Variants in KCNAB2 observed in about 807,000 individuals in gnomAD.
KCNAB2 encodes the protein voltage-gated potassium channel subunit beta-2.
Under a neutral mutation model 63.6 loss-of-function variants are expected in KCNAB2, and 29 were observed. The ratio of observed to expected loss-of-function variants is 0.46; its 90% CI spans 0.34 to 0.62. The LOEUF is 0.62. KCNAB2 is among the 20% of genes least tolerant of loss of function. The pLI is 0.01. For synonymous variants in KCNAB2, 222 were observed against 224.2 expected (o/e 0.99, Z 0.09); for missense variants, 359 against 563.9 (o/e 0.64, Z 3.68).
At chr1:6,072,888 G>T (rs923104970) in intron 3 of KCNAB2, 90 bp downstream of exon 3, 2 of 1,327,808 alleles carry the variant, frequency 1.5e-6, no homozygotes, top group South Asian at 1.3e-5. Context: ...TGGGAGGCAG[G>T]GTGGCCCAAA....
In KCNAB2 at chr1:6,074,883, G is replaced by C. The variant is rs1230316538; in HGVS notation, c.300+1113G>C. The stretch of plus-strand genomic sequence containing the variant: ...GCAGGAGAATTGCTTGAACCCAGAA[G>C]GGGGAGGTTGCAGTGAGCCGAGATC... On this transcript the variant is annotated intron_variant, in intron 4 of 15. Transcript: ENST00000378083. This position sits in a 1 kb window ranked among gnomAD's most constrained non-coding sequence, Gnocchi z 4.9. 6.6e-6 allele frequency among the ~76,000 whole-genome samples: 1 copy of C among 151,890 alleles called. No homozygotes were observed. Among genetic ancestry groups the C allele is most frequent in the African/African-American group, 2.4e-5 (1 of 41,326 alleles).
chr1:6,008,209 G>A lies in KCNAB2; in HGVS notation c.-53+15421G>A, dbSNP rs556797635. On this transcript the variant is annotated intron_variant, in intron 1 of 16. Coordinates refer to the KCNAB2 transcript ENST00000341524. ...GGTGAGCCAAGTCCGGTTCCGCTGC[G>A]CTGGGTCCCCCATGGCAGAAAGGAC... Among the ~76,000 whole-genome samples, 15 of 152,280 alleles carry A rather than the reference G, an allele frequency of 9.9e-5. No individual in the cohort carries two copies. The South Asian group carries it at 2.9e-3, about 29-fold the overall frequency.
chr1:6,004,943 G>T lies in KCNAB2; in HGVS notation c.-53+12155G>T, dbSNP rs78739652. 9.8e-4 allele frequency among the ~76,000 whole-genome samples: 140 copies of T among 143,438 alleles called. 3 individuals carry two copies. Among genetic ancestry groups the T allele is most frequent in the Non-Finnish European group, 5.4e-4 (34 of 63,326 alleles). The allele number at this position is 143,438 out of a possible 152,430, so 94.1% of individuals were successfully genotyped here. Reference sequence around the variant, plus strand: ...TGTTGCTGGCTGAGGGGTGAGGGTGGAGTGGGGGGATGTGGGAGCTGAGCT... The same window carrying T: ...TGTTGCTGGCTGAGGGGTGAGGGTGTAGTGGGGGGATGTGGGAGCTGAGCT... On this transcript the variant is annotated intron_variant, in intron 1 of 16. Transcript: ENST00000341524.
intron 1 of KCNAB2, among the ~76,000 whole-genome samples, chr1:6,036,722 C>T (rs946475411): frequency 1.4e-5 from 2 of 146,420 alleles, no homozygotes; most frequent in African/African-American, 2.5e-5. Flanking sequence ...GAGCACAGAT[C>T]GTGTCGCTGT....
At position 6,097,250 on chromosome 1, in the gene KCNAB2, T is replaced by C. The variant is rs796508222; in HGVS notation, c.1070-19T>C. The C allele has an allele frequency of 7.2e-6, 11 of 1,530,076 alleles. No individual in the cohort carries two copies. The East Asian group carries it at 2.2e-4, about 31-fold the overall frequency. The allele number at this position is 1,530,076 out of a possible 1,614,324, so 94.8% of individuals were successfully genotyped here. ...CTGTGGTGGGTGTTTCTCCCTCACC[T>C]TGGGTCTCGCCGCCACAGCCTGGTG... On this transcript the variant is annotated intron_variant, in intron 14 of 15. Coordinates refer to ENST00000378083, the MANE Select transcript of KCNAB2 (RefSeq NM_001199862.2).
chr1:6,031,399 C>G (rs1659615547), upstream of KCNAB2, among the ~76,000 whole-genome samples: 1 of 152,180 alleles, frequency 6.6e-6, no homozygotes. The surrounding 1 kb of genome is among the most constrained non-coding windows in gnomAD (Gnocchi z 4.1). Context: ...AGTCATTTAC[C>G]ATTAACTCCA....
chr1:6,062,479 G>A (rs183581035), intron 2 of KCNAB2, among the ~76,000 whole-genome samples: 224 of 152,278 alleles, frequency 1.5e-3, no homozygotes, highest in Non-Finnish European at 2.7e-3. Flanking sequence ...AGTCTTTCCT[G>A]GGTCCATTGA....
chr1:6,039,165 C>A (rs534503744), intron 1 of KCNAB2, among the ~76,000 whole-genome samples: 4 of 152,136 alleles, frequency 2.6e-5, no homozygotes, highest in African/African-American at 9.7e-5. Context: ...GCAGCAAGGG[C>A]GCAGCCAGTA....
At chr1:6,063,816 C>G (rs1001581789) in intron 2 of KCNAB2, among the ~76,000 whole-genome samples, 5 of 152,116 alleles carry the variant, frequency 3.3e-5, no homozygotes, top group Non-Finnish European at 7.3e-5. Context: ...CAGTTTGGGG[C>G]TATTGTGAAT....
At position 6,060,240 on chromosome 1, in the gene KCNAB2, G is replaced by A. The variant is rs567362266; in HGVS notation, c.218+8486G>A. Among the ~76,000 whole-genome samples the A allele has an allele frequency of 1.6e-4, 24 of 152,328 alleles. No homozygotes were observed. The East Asian group carries it at 1.9e-3, about 12-fold the overall frequency. ...GAGCCCTGCCATACTCCTGGGCACCGCTGATGCGCTCTCCTGCTGGCTGAC... is the reference window on the plus strand; with the variant it reads ...GAGCCCTGCCATACTCCTGGGCACCACTGATGCGCTCTCCTGCTGGCTGAC... On this transcript the variant is annotated intron_variant, in intron 2 of 15. Transcript: ENST00000378083.
At chr1:6,030,316 G>T (rs921185997), upstream of KCNAB2, among the ~76,000 whole-genome samples, 1 of 152,166 alleles carries the variant, frequency 6.6e-6, no homozygotes, top group Non-Finnish European at 1.5e-5. Flanking sequence ...GGACTGGGGC[G>T]TGCCTGTCCC....
chr1:6,045,564 T>A (rs1660846391), upstream of KCNAB2, among the ~76,000 whole-genome samples: 1 of 152,072 alleles, frequency 6.6e-6, no homozygotes. This position sits in a 1 kb window ranked among gnomAD's most constrained non-coding sequence, Gnocchi z 4.8. Context: ...CCATCTCGGG[T>A]GTATCCCCAG....
Position 6,086,290 on chromosome 1 carries a change from C to A in KCNAB2, c.425+1042C>A. The A allele has an allele frequency of 1.0e-6, 1 of 982,794 alleles. No homozygotes were observed. Among genetic ancestry groups the A allele is most frequent in the South Asian group, 4.7e-5 (1 of 21,220 alleles). The allele number at this position is 982,794 out of a possible 1,614,324, so 60.9% of individuals were successfully genotyped here. A position where few individuals can be genotyped will look rare whatever the true frequency, so the allele number is the denominator to read the frequency against. The stretch of plus-strand genomic sequence containing the variant: ...CTGACACCCCTTCCTCTTGTCCCAT[C>A]AAATTTGTTTTTTGGCAACTCTGAT... On this transcript the variant is annotated intron_variant, in intron 6 of 15. Coordinates refer to ENST00000378083, the MANE Select transcript of KCNAB2 (RefSeq NM_001199862.2). This position sits in a 1 kb window ranked among gnomAD's most constrained non-coding sequence, Gnocchi z 4.2.
chr1:6,087,426 G>A lies in KCNAB2; in HGVS notation c.426-41G>A. The A allele has an allele frequency of 6.2e-7, 1 of 1,608,644 alleles. No individual in the cohort carries two copies. The highest frequency in any genetic ancestry group is 1.1e-5 in the South Asian group (1 of 90,976). On this transcript the variant is annotated intron_variant, in intron 6 of 15. Transcript: ENST00000378083. The surrounding 1 kb of genome is among the most constrained non-coding windows in gnomAD (Gnocchi z 6.4). ...GGGGATGAAGGAGGACCCCCCAGGG[G>A]CCGGGCTTATCACACCCCTTCTTTC...
chr1:6,000,763 G>A (rs997164552), intron 1 of KCNAB2, among the ~76,000 whole-genome samples: 3 of 152,122 alleles, frequency 2.0e-5, no homozygotes, highest in Admixed American at 6.5e-5. Context: ...TCCTGGTGAC[G>A]CCAGCACAGA....
Position 6,096,632 on chromosome 1 carries a change from C to T in KCNAB2, c.949-4C>T, listed in dbSNP as rs1456922676. On this transcript the variant is annotated splice_region_variant and splice_polypyrimidine_tract_variant and intron_variant, in intron 13 of 15. Coordinates refer to ENST00000378083, the MANE Select transcript of KCNAB2 (RefSeq NM_001199862.2). The surrounding 1 kb of genome is among the most constrained non-coding windows in gnomAD (Gnocchi z 5.9). ...GCTGTGCTGCTCCCCTCCCCCGCAACCAGGGCTACCAGTGGCTGAAGGACA... is the reference window on the plus strand; with the variant it reads ...GCTGTGCTGCTCCCCTCCCCCGCAATCAGGGCTACCAGTGGCTGAAGGACA... 17 of 1,609,598 alleles carry T rather than the reference C, an allele frequency of 1.1e-5. No homozygotes were observed. In the Admixed American group the frequency reaches 2.2e-4, roughly 21 times the overall value.
At chr1:6,010,063 G>A (rs1658067227) in intron 1 of KCNAB2, among the ~76,000 whole-genome samples, 1 of 151,846 alleles carries the variant, frequency 6.6e-6, no homozygotes, top group Non-Finnish European at 1.5e-5. Context: ...TAGAGAAGGG[G>A]TTTCGGTTTC....
intron 2 of KCNAB2, among the ~76,000 whole-genome samples, chr1:6,063,649 G>C (rs1232714927): frequency 3.3e-5 from 5 of 152,136 alleles, no homozygotes; most frequent in African/African-American, 1.2e-4. Context: ...GACCTCAGGT[G>C]ATCCACCCAC....
chr1:5,997,623 A>G (rs1244317335), intron 1 of KCNAB2, among the ~76,000 whole-genome samples: 1 of 152,122 alleles, frequency 6.6e-6, no homozygotes, highest in Non-Finnish European at 1.5e-5. Context: ...TTTCATTGCA[A>G]TCTCAGGCCC....
Sources: gnomAD v4.1 joint callset for allele counts (sites outside exome capture counted in the v4.1 genomes callset) on GRCh38, gnomAD v4.1.1 for gene constraint, Gnocchi (gnomAD v3.1) non-coding constraint, MANE v1.5 for transcripts, NCBI Gene and HGNC (gene_info 2026-07-23, HGNC 2026-07-21) for gene names.